The following GCNT1 variants were observed in gnomAD, a reference collection of about 807,000 sequenced individuals.
GCNT1 encodes beta-1,3-galactosyl-O-glycosyl-glycoprotein beta-1,6-N-acetylglucosaminyltransferase.
Under a neutral mutation model 26.2 loss-of-function variants are expected in GCNT1, and 16 were observed. The observed-to-expected ratio is 0.61, with a 90% CI of 0.41 to 0.93. GCNT1 has a LOEUF of 0.93. GCNT1 is among the 40% of genes least tolerant of loss of function. The pLI is 0.00. For synonymous variants in GCNT1, 183 were observed against 190.8 expected (o/e 0.96, Z 0.34); for missense variants, 477 against 526.7 (o/e 0.91, Z 0.92).
At chr9:76,430,875 A>T (rs1256794561) in intron 1 of GCNT1, among the ~76,000 whole-genome samples, 1 of 151,478 alleles carries the variant, frequency 6.6e-6, no homozygotes. Flanking sequence ...TAGTACAGAT[A>T]GGGTTTCACC....
Position 76,497,611 on chromosome 9 carries a change from G to A in GCNT1, c.-289-3305G>A, listed in dbSNP as rs537604394. Among the ~76,000 whole-genome samples the A allele has an allele frequency of 8.5e-5, 13 of 152,294 alleles. No homozygotes were observed. The East Asian group carries it at 1.9e-3, about 23-fold the overall frequency. ...CATGTGGGCCATGTAGGATGTAGAC[G>A]ACAGTGGTAAAGACCTATGCCTTTT... is the stretch of plus-strand genomic sequence containing the variant. On this transcript the variant is annotated intron_variant, in intron 2 of 3. Coordinates refer to ENST00000376730, the MANE Select transcript of GCNT1 (RefSeq NM_001490.5).
In GCNT1 at chr9:76,459,233, C is replaced by CGGGGCGGGAGCTTGGT. The variant is rs1274918214; in HGVS notation, c.-477_-462dup. The CGGGGCGGGAGCTTGGT allele has an allele frequency of 6.6e-6, 1 of 152,630 alleles. No individual in the cohort carries two copies. Among genetic ancestry groups the CGGGGCGGGAGCTTGGT allele is most frequent in the Non-Finnish European group, 1.5e-5 (1 of 68,418 alleles). 9.5% of individuals were successfully genotyped at this position (152,630 alleles called of 1,614,324 possible). On this transcript the variant is annotated 5_prime_UTR_variant, in exon 1 of 4. Transcript: ENST00000376730. ...GCTCCGGAGCGCCTAGAGCGCGGCGCGGGGCGGGAGCTTGGTGGAGCAGGA... is the reference window on the plus strand; with the variant it reads ...GCTCCGGAGCGCCTAGAGCGCGGCGCGGGGCGGGAGCTTGGTGGGGCGGGAGCTTGGTGGAGCAGGA...
intron 1 of GCNT1, among the ~76,000 whole-genome samples, chr9:76,445,950 C>T (rs892861398): frequency 6.6e-6 from 1 of 152,062 alleles, no homozygotes; most frequent in Non-Finnish European, 1.5e-5. Context: ...CACCACTGGA[C>T]TCCAGCCTGG....
chr9:76,479,914 C>T (rs1824374128), intron 2 of GCNT1, among the ~76,000 whole-genome samples: 1 of 152,210 alleles, frequency 6.6e-6, no homozygotes, highest in Non-Finnish European at 1.5e-5. Flanking sequence ...GTGTTTTAGA[C>T]ATGAAGTCCT....
intron 2 of GCNT1, among the ~76,000 whole-genome samples, chr9:76,490,445 C>G (rs112541114): frequency 6.6e-6 from 1 of 152,044 alleles, no homozygotes; most frequent in African/African-American, 2.4e-5. Context: ...TAACCCTATA[C>G]GTAGAGGTAT....
chr9:76,394,450 G>T, the GCNT1 span: 2 of 339,898 alleles, frequency 5.9e-6, no homozygotes, highest in Admixed American at 5.1e-5. Flanking sequence ...GGGGTGGGGG[G>T]AGGGGGCGGC....
chr9:76,481,375 C>T (rs1426302261), intron 2 of GCNT1, among the ~76,000 whole-genome samples: 4 of 150,954 alleles, frequency 2.6e-5, no homozygotes, highest in African/African-American at 9.8e-5. Context: ...GCCTGATATA[C>T]ATTTGTAAAC....
the GCNT1 span, chr9:76,399,279 C>G: frequency 2.1e-6 from 3 of 1,415,578 alleles, no homozygotes; most frequent in Non-Finnish European, 3.0e-6. Flanking sequence ...TATGACCACC[C>G]GTGGGAGGTC....
chr9:76,416,401 G>A (rs1219313260), upstream of GCNT1, among the ~76,000 whole-genome samples: 1 of 152,174 alleles, frequency 6.6e-6, no homozygotes, highest in East Asian at 1.9e-4. Flanking sequence ...ATACCAAGAG[G>A]GCAGAGAGTA....
chr9:76,436,210 C>T (rs1327891697), intron 1 of GCNT1, among the ~76,000 whole-genome samples: 2 of 151,900 alleles, frequency 1.3e-5, no homozygotes, highest in African/African-American at 4.8e-5. Context: ...CCTCGGCCTC[C>T]ATCTTATAAG....
chr9:76,446,445 A>G (rs1823579010), intron 1 of GCNT1, among the ~76,000 whole-genome samples: 1 of 152,196 alleles, frequency 6.6e-6, no homozygotes, highest in Non-Finnish European at 1.5e-5. Context: ...ATCAAGGTCT[A>G]AGGAACTTGT....
At chr9:76,482,446 C>T (rs1436735494) in intron 2 of GCNT1, among the ~76,000 whole-genome samples, 1 of 150,064 alleles carries the variant, frequency 6.7e-6, no homozygotes, top group East Asian at 2.0e-4. Flanking sequence ...ACGGTGAAAC[C>T]CTGTCTCTAC....
At chr9:76,450,522 A>G (rs536710556) in intron 1 of GCNT1, among the ~76,000 whole-genome samples, 47 of 152,346 alleles carry the variant, frequency 3.1e-4, no homozygotes, top group African/African-American at 1.1e-3. Flanking sequence ...AATCTCTACA[A>G]CAGAGAGCAG....
chr9:76,441,420 AC>A (rs1823482507), upstream of GCNT1, among the ~76,000 whole-genome samples: 1 of 152,204 alleles, frequency 6.6e-6, no homozygotes, highest in Non-Finnish European at 1.5e-5. Context: ...TGCTGGGATT[AC>A]AGGCATGAGC....
intron 2 of GCNT1, among the ~76,000 whole-genome samples, chr9:76,485,117 C>G (rs1181649014): frequency 6.6e-6 from 1 of 151,904 alleles, no homozygotes; most frequent in East Asian, 1.9e-4. Flanking sequence ...TACTTGTTGG[C>G]ATATTTTACT....
chr9:76,460,524 T>C (rs1420446096), intron 2 of GCNT1, among the ~76,000 whole-genome samples: 1 of 152,214 alleles, frequency 6.6e-6, no homozygotes, highest in African/African-American at 2.4e-5. Context: ...AAGATCAGTG[T>C]AAATTACCTG....
Position 76,505,683 on chromosome 9 carries a change from C to T in GCNT1, c.*2015C>T, listed in dbSNP as rs762304614. 6.0e-6 allele frequency: 1 copy of T among 166,788 alleles called. No homozygotes were observed. The highest frequency in any genetic ancestry group is 1.5e-5 in the Non-Finnish European group (1 of 68,076). The allele number at this position is 166,788 out of a possible 1,614,324, so 10.3% of individuals were successfully genotyped here. A position where few individuals can be genotyped will look rare whatever the true frequency, so the allele number is the denominator to read the frequency against. ...CCCTCACCTGGTGTTAACATTGTACCCTATTTGCTTTAAGTTGTATGTATT... is the reference window on the plus strand; with the variant it reads ...CCCTCACCTGGTGTTAACATTGTACTCTATTTGCTTTAAGTTGTATGTATT... On this transcript the variant is annotated 3_prime_UTR_variant, in exon 4 of 4. Coordinates refer to ENST00000376730, the MANE Select transcript of GCNT1 (RefSeq NM_001490.5).
intron 2 of GCNT1, among the ~76,000 whole-genome samples, chr9:76,492,503 A>G (rs1824771790): frequency 6.6e-6 from 1 of 151,566 alleles, no homozygotes; most frequent in Admixed American, 6.6e-5. Context: ...TCCAGGAGGA[A>G]GTCAATTTCC....
intron 2 of GCNT1, among the ~76,000 whole-genome samples, chr9:76,474,849 C>G (rs3739516): frequency 0.28 from 41,927 of 152,176 alleles, 6,015 homozygotes; most frequent in East Asian, 0.32. Context: ...CATCCCCTCT[C>G]CAAAAAAGAA....
Sources: gnomAD v4.1 joint callset for allele counts (sites outside exome capture counted in the v4.1 genomes callset) on GRCh38, gnomAD v4.1.1 for gene constraint, MANE v1.5 for transcripts, NCBI Gene and HGNC (gene_info 2026-07-23, HGNC 2026-07-21) for gene names.